CAMTA1: variants seen among roughly 807,000 people sequenced by gnomAD.
CAMTA1 encodes calmodulin-binding transcription activator 1.
Under a neutral mutation model 170.9 loss-of-function variants are expected in CAMTA1, and 27 were observed. The observed-to-expected ratio is 0.16, with a 90% CI of 0.12 to 0.22. The LOEUF is 0.22. Among genes scored for constraint, CAMTA1 ranks in the 10% least tolerant of loss-of-function variants. The probability of loss-of-function intolerance (pLI) is 1.00; values close to 1 mark genes in which losing one functional copy is unlikely to be tolerated. For synonymous variants in CAMTA1, 833 were observed against 891.5 expected (o/e 0.93, Z 1.17); for missense variants, 1,619 against 2,217.2 (o/e 0.73, Z 5.42).
rs532728294 is a variant in CAMTA1, at chr1:7,041,705, C to T, written c.235-49599C>T. Among the ~76,000 whole-genome samples the T allele has an allele frequency of 5.3e-5, 8 of 152,188 alleles. No individual in the cohort carries two copies. The highest frequency in any genetic ancestry group is 1.0e-4 in the Non-Finnish European group (7 of 68,030). On this transcript the variant is annotated intron_variant, in intron 3 of 22. Coordinates refer to ENST00000303635, the MANE Select transcript of CAMTA1 (RefSeq NM_015215.4). This position sits in a 1 kb window ranked among gnomAD's most constrained non-coding sequence, Gnocchi z 5.1. ...GCAGAAAGGTTTGCTGACGTCTCCT[C>T]GTAGATAAAGGAAAATTGAGACGAT... is the stretch of plus-strand genomic sequence containing the variant.
At chr1:7,708,160 G>A (rs2096541365) in intron 11 of CAMTA1, among the ~76,000 whole-genome samples, 2 of 151,012 alleles carry the variant, frequency 1.3e-5, no homozygotes, top group African/African-American at 2.4e-5. Flanking sequence ...GAGAAACCCC[G>A]TCTCTACAAA....
intron 6 of CAMTA1, among the ~76,000 whole-genome samples, chr1:7,622,314 G>A (rs1216336149): frequency 2.6e-5 from 4 of 152,224 alleles, no homozygotes; most frequent in African/African-American, 9.6e-5. Context: ...AGATCACACA[G>A]CGTTTGAAGT....
intron 6 of CAMTA1, among the ~76,000 whole-genome samples, chr1:7,583,778 A>C (rs984626377): frequency 2.0e-5 from 3 of 152,088 alleles, no homozygotes; most frequent in African/African-American, 7.2e-5. Flanking sequence ...AGGAAGACAC[A>C]GGGGGGTTCA....
At chr1:7,647,091 C>T (rs1389743607) in intron 7 of CAMTA1, among the ~76,000 whole-genome samples, 1 of 152,180 alleles carries the variant, frequency 6.6e-6, no homozygotes, top group Non-Finnish European at 1.5e-5. Context: ...GCTGCTTAGC[C>T]AGCACCTGCT....
intron 18 of CAMTA1, among the ~76,000 whole-genome samples, chr1:7,747,278 T>C (rs564730650): frequency 6.6e-6 from 1 of 152,330 alleles, no homozygotes; most frequent in East Asian, 1.9e-4. Flanking sequence ...AAGCTTTTTC[T>C]GTGTGCATTT....
At chr1:7,474,576 C>G (rs893774931) in intron 6 of CAMTA1, among the ~76,000 whole-genome samples, 3 of 152,222 alleles carry the variant, frequency 2.0e-5, no homozygotes, top group African/African-American at 4.8e-5. Context: ...CATCCCCACC[C>G]CATCCCTAGC....
At chr1:7,483,244 A>G (rs2093566458) in intron 6 of CAMTA1, among the ~76,000 whole-genome samples, 1 of 152,250 alleles carries the variant, frequency 6.6e-6, no homozygotes, top group Non-Finnish European at 1.5e-5. Flanking sequence ...CCGGAGGAAG[A>G]GAGCTCAGGG....
At chr1:6,939,784 A>G (rs1454031584) in intron 3 of CAMTA1, among the ~76,000 whole-genome samples, 1 of 152,186 alleles carries the variant, frequency 6.6e-6, no homozygotes, top group Non-Finnish European at 1.5e-5. Context: ...CTCTGTTTTC[A>G]TCTTGGCACT....
In CAMTA1 at chr1:7,732,348, G is replaced by A. The variant is rs1270706420; in HGVS notation, c.2915-100G>A. The A allele has an allele frequency of 4.6e-5, 45 of 986,540 alleles. 1 individual carries two copies. The highest frequency in any genetic ancestry group is 1.1e-4 in the Admixed American group (6 of 53,854). 61.1% of individuals were successfully genotyped at this position (986,540 alleles called of 1,614,324 possible). On this transcript the variant is annotated intron_variant, in intron 11 of 22. Transcript: ENST00000303635. This position sits in a 1 kb window ranked among gnomAD's most constrained non-coding sequence, Gnocchi z 4.1. ...GACCTCTCTGGTTTGGTGAAGTTAC[G>A]GACGGCATTTGGATGCTGGTCCCGC... is the stretch of plus-strand genomic sequence containing the variant.
intron 4 of CAMTA1, among the ~76,000 whole-genome samples, chr1:7,203,498 T>G (rs1167327786): frequency 1.3e-5 from 2 of 151,666 alleles, no homozygotes; most frequent in African/African-American, 2.4e-5. Flanking sequence ...AGTTTTTTTT[T>G]TTTTTTTTAA....
chr1:7,563,439 C>T (rs1260017596), intron 6 of CAMTA1, among the ~76,000 whole-genome samples: 1 of 152,162 alleles, frequency 6.6e-6, no homozygotes, highest in Non-Finnish European at 1.5e-5. Context: ...GTGGGACCTG[C>T]TAGCAGCTCC....
intron 20 of CAMTA1, among the ~76,000 whole-genome samples, chr1:7,752,221 G>C (rs1414479983): frequency 6.6e-6 from 1 of 152,182 alleles, no homozygotes; most frequent in Non-Finnish European, 1.5e-5. Context: ...TGTATAGTCT[G>C]TCTTGAAGCT....
At chr1:7,123,857 A>G (rs1399186797) in intron 4 of CAMTA1, among the ~76,000 whole-genome samples, 2 of 152,044 alleles carry the variant, frequency 1.3e-5, no homozygotes, top group African/African-American at 4.8e-5. Flanking sequence ...GCAGAGGGAG[A>G]GGTCTGTGGG....
chr1:7,028,515 G>T (rs1418007683), intron 3 of CAMTA1, among the ~76,000 whole-genome samples: 1 of 152,124 alleles, frequency 6.6e-6, no homozygotes, highest in South Asian at 2.1e-4. Context: ...TTGATTTCCT[G>T]CATGTTCTCC....
rs962643692 is a variant in CAMTA1 at position 7,621,931 on chromosome 1, A to G, written c.511-18469A>G. ...TCTAGAGAGAACGAATATGCTAAAGATAGTGAGGCGTCTTCTCTGGGTGAC... is the reference window on the plus strand; with the variant it reads ...TCTAGAGAGAACGAATATGCTAAAGGTAGTGAGGCGTCTTCTCTGGGTGAC... On this transcript the variant is annotated intron_variant, in intron 6 of 22. Transcript: ENST00000303635. Among the ~76,000 whole-genome samples the G allele has an allele frequency of 2.7e-4, 41 of 152,322 alleles. 2 individuals carry two copies. Among genetic ancestry groups the G allele is most frequent in the African/African-American group, 9.9e-4 (41 of 41,560 alleles).
chr1:7,469,908 CTG>C (rs2093297810), intron 6 of CAMTA1, among the ~76,000 whole-genome samples: 1 of 152,256 alleles, frequency 6.6e-6, no homozygotes, highest in Admixed American at 6.5e-5. Flanking sequence ...GTCCTGCTCT[CTG>C]CCCCAGCCCT....
intron 1 of CAMTA1, among the ~76,000 whole-genome samples, chr1:6,794,134 C>T (rs1485060345): frequency 6.6e-6 from 1 of 152,144 alleles, no homozygotes; most frequent in Non-Finnish European, 1.5e-5. Context: ...AACACATGCA[C>T]ACGTATAAAG....
chr1:7,625,632 TCTC>T (rs2095628287), intron 6 of CAMTA1, among the ~76,000 whole-genome samples: 1 of 152,280 alleles, frequency 6.6e-6, no homozygotes, highest in Admixed American at 6.5e-5. Flanking sequence ...ACGAGCTTGC[TCTC>T]CTCTGCCATT....
chr1:7,597,612 C>T (rs1328613322), intron 6 of CAMTA1, among the ~76,000 whole-genome samples: 1 of 152,010 alleles, frequency 6.6e-6, no homozygotes, highest in East Asian at 1.9e-4. Flanking sequence ...GATTGTGGGG[C>T]TCCAAATTCT....
Sources: allele counts gnomAD v4.1 joint callset (sites outside exome capture counted in the v4.1 genomes callset), GRCh38; gene constraint gnomAD v4.1.1; non-coding constraint Gnocchi (gnomAD v3.1); transcripts MANE v1.5; gene names NCBI Gene and HGNC (gene_info 2026-07-23, HGNC 2026-07-21).